Variants in PIEZO1 observed in about 807,000 individuals in gnomAD.
PIEZO1 encodes the protein piezo-type mechanosensitive ion channel component 1.
PIEZO1 carries 296 observed loss-of-function variants against 297.2 expected under a neutral mutation model. The observed-to-expected ratio is 1.00, with a 90% CI of 0.91 to 1.10. The LOEUF is 1.10. Among genes scored for constraint, PIEZO1 ranks in the 50% least tolerant of loss-of-function variants. The pLI is 0.00. For synonymous variants in PIEZO1, 2,427 were observed against 1,507.5 expected (o/e 1.61, Z -14.13); for missense variants, 5,018 against 3,455.5 (o/e 1.45, Z -11.34).
chr16:88,737,412 G>A (rs560451704), intron 10 of PIEZO1, 147 bp downstream of exon 10: 63 of 589,444 alleles, frequency 1.1e-4, no homozygotes, highest in South Asian at 8.7e-4. Flanking sequence ...CACTGACACC[G>A]ACCCGTGGAT....
chr16:88,744,691 C>T lies in PIEZO1; in HGVS notation c.161-2269G>A, dbSNP rs564523370. Among the ~76,000 whole-genome samples, 194 of 151,818 alleles carry T rather than the reference C, an allele frequency of 1.3e-3. 1 individual carries two copies. Among genetic ancestry groups the T allele is most frequent in the African/African-American group, 4.4e-3 (183 of 41,384 alleles). On this transcript the variant is annotated intron_variant, in intron 2 of 50. Transcript: ENST00000301015. ...CTCCTTCCCGGTTCAGTTCTCGGGC[C>T]GGCCAGAGTGTCCTGGTCTGGCCAT...
chr16:88,749,203 GC>G (rs1567683171), intron 2 of PIEZO1, among the ~76,000 whole-genome samples, 180 bp downstream of exon 2: 2 of 151,734 alleles, frequency 1.3e-5, no homozygotes, highest in African/African-American at 4.8e-5. Flanking sequence ...TCGCGCCACT[GC>G]ACTCCAGCCT....
At chr16:88,754,525 C>A (rs945799461) in intron 1 of PIEZO1, among the ~76,000 whole-genome samples, 1 of 152,200 alleles carries the variant, frequency 6.6e-6, no homozygotes, top group Non-Finnish European at 1.5e-5. Context: ...ACCCTCGTTC[C>A]CTGTGGTGAT....
rs755722952 is a variant in PIEZO1 at position 88,720,673 on chromosome 16, C to T, written c.5744G>A (p.Arg1915His). 207 of 1,546,598 alleles carry T rather than the reference C, an allele frequency of 1.3e-4. No homozygotes were observed. The highest frequency in any genetic ancestry group is 1.7e-4 in the Non-Finnish European group (195 of 1,145,068). The change falls in exon 40 of 51, where the codon CGC becomes CAC. Residue 1915 changes from arginine to histidine, a missense_variant. Arg to His is a conservative substitution (Grantham distance 29). Transcript: ENST00000301015. ...GGCCGCCCTTACTCTTCCTCCAGAGCGGCTTGGCCTCTTCTCTCTCCCCGT... is the reference window on the plus strand; with the variant it reads ...GGCCGCCCTTACTCTTCCTCCAGAGTGGCTTGGCCTCTTCTCTCTCCCCGT... ...APTGREKRPS[R>H]SGGRVRAAGR...
intron 17 of PIEZO1, 79 bp from the exon 18 acceptor site, chr16:88,733,824 G>C (rs1327698091): frequency 2.7e-6 from 4 of 1,465,986 alleles, no homozygotes; most frequent in African/African-American, 2.8e-5. Context: ...CTGGAGCCCA[G>C]AGGGGACTCT....
chr16:88,749,061 C>G (rs1349221161), intron 2 of PIEZO1, among the ~76,000 whole-genome samples: 3 of 151,246 alleles, frequency 2.0e-5, no homozygotes, highest in Non-Finnish European at 4.4e-5. Flanking sequence ...CACGGTGAAA[C>G]CCCGTCTCTA....
intron 20 of PIEZO1, 27 bp downstream of exon 20, chr16:88,732,580 C>G: frequency 6.5e-7 from 1 of 1,543,464 alleles, no homozygotes; most frequent in Non-Finnish European, 8.8e-7. Flanking sequence ...CTCGCCCGCC[C>G]AGCCGCCCAC....
rs541854307 is a variant in PIEZO1 at position 88,717,164 on chromosome 16, G to A, written c.6519C>T (p.Tyr2173=). The change falls in exon 45 of 51, where the codon TAC becomes TAT. Residue 2173 remains tyrosine (Y), a synonymous_variant. Coordinates refer to ENST00000301015, the MANE Select transcript of PIEZO1 (RefSeq NM_001142864.4). Reference sequence around the variant, plus strand: ...AGAGGATGATGAGGCCACCCATGCCGTACTTGACGATCTTCTTCTTCTTCT... The same window carrying A: ...AGAGGATGATGAGGCCACCCATGCCATACTTGACGATCTTCTTCTTCTTCT... The part of the protein sequence containing the change: ...KGQKKKKIVK[Y]GMGGLIILFL... 112 of 1,550,898 alleles carry A rather than the reference G, an allele frequency of 7.2e-5. No homozygotes were observed. Among genetic ancestry groups the A allele is most frequent in the Middle Eastern group, 5.0e-4 (3 of 5,996 alleles).
At chr16:88,766,898 G>A (rs1260398280) in intron 1 of PIEZO1, among the ~76,000 whole-genome samples, 3 of 152,210 alleles carry the variant, frequency 2.0e-5, no homozygotes, top group Non-Finnish European at 1.5e-5. Context: ...GCTAGAGTGG[G>A]CCTCAGTTTC....
Position 88,776,069 on chromosome 16 carries a change from G to A in PIEZO1, c.64+8832C>T, listed in dbSNP as rs932384503. Among the ~76,000 whole-genome samples the A allele has an allele frequency of 3.9e-5, 6 of 152,320 alleles. No homozygotes were observed. In the East Asian group the frequency reaches 5.8e-4, roughly 15 times the overall value. ...GCCCACGGGCTACAAGCTGGGGAGC[G>A]CAGGGGCAGTTTCCTTTCAGGTTAA... On this transcript the variant is annotated intron_variant, in intron 1 of 50. Coordinates refer to ENST00000301015, the MANE Select transcript of PIEZO1 (RefSeq NM_001142864.4).
intron 21 of PIEZO1, 46 bp from the exon 22 acceptor site, chr16:88,731,956 G>GGA (rs1597454806): frequency 3.1e-5 from 9 of 287,550 alleles, no homozygotes; most frequent in African/African-American, 6.7e-5. Flanking sequence ...TGAGTCTGGG[G>GGA]GGAGGGACTT....
chr16:88,752,765 C>T (rs1399987707), intron 1 of PIEZO1, among the ~76,000 whole-genome samples: 12 of 151,750 alleles, frequency 7.9e-5, no homozygotes, highest in Admixed American at 7.9e-4. Context: ...GGTTCCCCGG[C>T]AGGCCAACGT....
intron 2 of PIEZO1, among the ~76,000 whole-genome samples, chr16:88,748,919 C>G (rs370287266): frequency 5.3e-5 from 6 of 114,048 alleles, no homozygotes; most frequent in South Asian, 3.1e-4. Context: ...GGAGATAGAG[C>G]GAGACTCGGT....
chr16:88,720,570 C>G, intron 40 of PIEZO1, 38 bp from the exon 41 acceptor site: 11 of 1,534,158 alleles, frequency 7.2e-6, no homozygotes, highest in Non-Finnish European at 9.7e-6. Flanking sequence ...CCAGTACCCG[C>G]CTCCCCACCC....
intron 1 of PIEZO1, among the ~76,000 whole-genome samples, chr16:88,756,859 A>G (rs577401411): frequency 1.4e-3 from 219 of 152,128 alleles, no homozygotes; most frequent in African/African-American, 4.8e-3. Flanking sequence ...GGCAGATCAG[A>G]AGGTCAGGAG....
Position 88,785,189 on chromosome 16 carries a change from C to G in PIEZO1, c.-225G>C. The G allele has an allele frequency of 3.8e-6, 1 of 261,950 alleles. No individual in the cohort carries two copies. The highest frequency in any genetic ancestry group is 7.1e-6 in the Non-Finnish European group (1 of 141,068). 16.2% of individuals were successfully genotyped at this position (261,950 alleles called of 1,614,324 possible). A position where few individuals can be genotyped will look rare whatever the true frequency, so the allele number is the denominator to read the frequency against. ...TCGGCGGAGCGCAGCGCTCGGCTCACTGGGGCCGAGCTGGGCCGGACGGCG... is the reference window on the plus strand; with the variant it reads ...TCGGCGGAGCGCAGCGCTCGGCTCAGTGGGGCCGAGCTGGGCCGGACGGCG... On this transcript the variant is annotated 5_prime_UTR_variant, in exon 1 of 51. Transcript: ENST00000301015.
In PIEZO1 at chr16:88,720,166, G is replaced by A. The variant is rs990897688; in HGVS notation, c.6067C>T (p.Leu2023=). 1.9e-6 allele frequency: 3 copies of A among 1,550,496 alleles called. No homozygotes were observed. The highest frequency in any genetic ancestry group is 2.7e-5 in the African/African-American group (2 of 73,180). ...AGCTTGCCCAGCACGGTCTTGCGCA[G>A]GTAGAGGGCGCGGTCAACCACCATG... is the stretch of plus-strand genomic sequence containing the variant. The part of the protein sequence containing the change: ...STMVVDRALY[L]RKTVLGKLAF... The change falls in exon 42 of 51, where the codon CTG becomes TTG. Residue 2023 remains leucine, a synonymous_variant. Transcript: ENST00000301015.
chr16:88,736,742 G>A lies in PIEZO1; in HGVS notation c.1196-3C>T. 2 of 1,517,786 alleles carry A rather than the reference G, an allele frequency of 1.3e-6. No homozygotes were observed. Among genetic ancestry groups the A allele is most frequent in the Non-Finnish European group, 1.8e-6 (2 of 1,134,930 alleles). The allele number at this position is 1,517,786 out of a possible 1,614,324, so 94.0% of individuals were successfully genotyped here. A position where few individuals can be genotyped will look rare whatever the true frequency, so the allele number is the denominator to read the frequency against. ...GGGCTCAGCCCGCTTGGGCCGCACTGCAGGTGGGGACAGCGGTCAGCTTCG... is the reference window on the plus strand; with the variant it reads ...GGGCTCAGCCCGCTTGGGCCGCACTACAGGTGGGGACAGCGGTCAGCTTCG... On this transcript the variant is annotated splice_region_variant and splice_polypyrimidine_tract_variant and intron_variant, in intron 10 of 50. Coordinates refer to ENST00000301015, the MANE Select transcript of PIEZO1 (RefSeq NM_001142864.4).
chr16:88,733,675 TGA>T lies in PIEZO1; in HGVS notation c.2398_2399del (p.Ser800ThrfsTer69), dbSNP rs777786499. 6.5e-7 allele frequency: 1 copy of T among 1,549,398 alleles called. No homozygotes were observed. Among genetic ancestry groups the T allele is most frequent in the South Asian group, 1.2e-5 (1 of 83,978 alleles). ...GCCGCCGCAGGAACACCTGCACGCG[TGA>T]GAGGACGTCCGAGAAGCCGGCTGCC... is the stretch of plus-strand genomic sequence containing the variant. ...ELAAGFSDVL[S>X]RVQVFLRRLL... On this transcript the variant is annotated frameshift_variant, in exon 18 of 51. Transcript: ENST00000301015. LOFTEE classifies it high-confidence loss of function.
Sources: gnomAD v4.1 joint callset for allele counts (sites outside exome capture counted in the v4.1 genomes callset) on GRCh38, gnomAD v4.1.1 for gene constraint, MANE v1.5 for transcripts, NCBI Gene and HGNC (gene_info 2026-07-23, HGNC 2026-07-21) for gene names.